Variants in TTC28 observed in about 807,000 individuals in gnomAD.
TTC28 encodes tetratricopeptide repeat domain 28, also known as tetratricopeptide repeat protein 28.
TTC28 carries 61 observed loss-of-function variants against 198.0 expected under a neutral mutation model. The ratio of observed to expected loss-of-function variants is 0.31; its 90% confidence interval spans 0.25 to 0.38. The LOEUF is 0.38. TTC28 is among the 10% of genes least tolerant of loss of function. The pLI, the probability that TTC28 is intolerant of heterozygous loss-of-function variation, is 1.00. For missense variants in TTC28, 2,678 were observed against 3,164.0 expected (o/e 0.85, Z 3.69); for synonymous variants, 1,171 against 1,297.8 (o/e 0.90, Z 2.10).
At chr22:28,295,682 T>C (rs915663282) in intron 5 of TTC28, among the ~76,000 whole-genome samples, 1 of 152,186 alleles carries the variant, frequency 6.6e-6, no homozygotes, top group Admixed American at 6.5e-5. Flanking sequence ...TACTGAATAT[T>C]AACTCTTTGA....
At chr22:28,373,662 A>G (rs1388200123) in intron 2 of TTC28, among the ~76,000 whole-genome samples, 1 of 152,164 alleles carries the variant, frequency 6.6e-6, no homozygotes, top group Non-Finnish European at 1.5e-5. Context: ...TAGCTAAGAA[A>G]ATATATAAGA....
intron 12 of TTC28, among the ~76,000 whole-genome samples, chr22:28,089,811 G>A (rs1274758847): frequency 6.6e-6 from 1 of 151,450 alleles, no homozygotes; most frequent in Non-Finnish European, 1.5e-5. Context: ...CCTGTCCTTT[G>A]TAGGGACATG....
chr22:28,318,162 G>A (rs746917194), intron 2 of TTC28, among the ~76,000 whole-genome samples: 5 of 150,642 alleles, frequency 3.3e-5, no homozygotes, highest in Admixed American at 6.6e-5. Flanking sequence ...CTCCTGCCTC[G>A]GCCTCCCACA....
intron 5 of TTC28, among the ~76,000 whole-genome samples, chr22:28,196,463 C>T (rs1362705630): frequency 6.6e-6 from 1 of 152,146 alleles, no homozygotes. Flanking sequence ...TAAAGAGCTT[C>T]TGCACAGCAA....
intron 2 of TTC28, among the ~76,000 whole-genome samples, chr22:28,531,813 G>A (rs903476391): frequency 6.6e-6 from 1 of 152,074 alleles, no homozygotes; most frequent in Non-Finnish European, 1.5e-5. Flanking sequence ...ATGACTACTG[G>A]GTACATAACG....
chr22:28,104,566 G>A (rs202122981), intron 8 of TTC28, among the ~76,000 whole-genome samples: 109 of 152,286 alleles, frequency 7.2e-4, no homozygotes, highest in African/African-American at 2.5e-3. Context: ...TCATCTCAAT[G>A]TAAAGAGGTG....
intron 12 of TTC28, among the ~76,000 whole-genome samples, chr22:28,085,047 A>G (rs1360903144): frequency 1.3e-5 from 2 of 152,160 alleles, no homozygotes; most frequent in African/African-American, 4.8e-5. Context: ...GGTGTACCTG[A>G]AAGTCATGGG....
rs537072058 is a variant in TTC28 at position 28,336,770 on chromosome 22, T to A, written c.382-30127A>T. Among the ~76,000 whole-genome samples, 9 of 152,314 alleles carry A rather than the reference T, an allele frequency of 5.9e-5. 1 individual carries two copies. In the South Asian group the frequency reaches 1.9e-3, roughly 32 times the overall value. On this transcript the variant is annotated intron_variant, in intron 2 of 22. Coordinates refer to ENST00000397906, the MANE Select transcript of TTC28 (RefSeq NM_001145418.2). ...TCTTGCTAGCAGTCTATCAATTTTG[T>A]TGATCTTTTCAAAAAACCAGCTCCT... is the stretch of plus-strand genomic sequence containing the variant.
chr22:28,386,174 CTGAGGCAGGAGAATGGCGTGAACCCGGGA>C lies in TTC28; in HGVS notation c.382-79560_382-79532del, dbSNP rs2046582509. 5.6e-5 allele frequency among the ~76,000 whole-genome samples: 8 copies of C among 143,132 alleles called. No homozygotes were observed. The South Asian group carries it at 1.8e-3, about 33-fold the overall frequency. 93.9% of individuals were successfully genotyped at this position (143,132 alleles called of 152,430 possible). On this transcript the variant is annotated intron_variant, in intron 2 of 22. Coordinates refer to ENST00000397906, the MANE Select transcript of TTC28 (RefSeq NM_001145418.2). ...CCTGTAGTCCTAGCTACTTGGGAGG[CTGAGGCAGGAGAATGGCGTGAACCCGGGA>C]GGCGGAGCTTGCAGTGAGCCGAGAT... is the stretch of plus-strand genomic sequence containing the variant.
intron 1 of TTC28, among the ~76,000 whole-genome samples, chr22:28,674,242 CT>C (rs1255451407): frequency 3.9e-5 from 4 of 102,822 alleles, no homozygotes; most frequent in African/African-American, 1.1e-4. Context: ...CTTGGGGTTT[CT>C]GTTTGTGGTT....
At chr22:28,529,689 C>T (rs1338479151) in intron 2 of TTC28, among the ~76,000 whole-genome samples, 5 of 152,174 alleles carry the variant, frequency 3.3e-5, no homozygotes, top group Non-Finnish European at 5.9e-5. Context: ...CAGCCAGGTG[C>T]CCCTACGAGA....
intron 2 of TTC28, among the ~76,000 whole-genome samples, chr22:28,513,514 G>A (rs779148674): frequency 6.6e-6 from 1 of 152,182 alleles, no homozygotes; most frequent in Non-Finnish European, 1.5e-5. Context: ...TGAGGCAGGA[G>A]AAGCACTTGA....
intron 2 of TTC28, among the ~76,000 whole-genome samples, chr22:28,444,588 T>C (rs1318303459): frequency 6.6e-6 from 1 of 152,144 alleles, no homozygotes; most frequent in Non-Finnish European, 1.5e-5. Flanking sequence ...ATTCATTATC[T>C]CACAGCCCTG....
In TTC28 at chr22:28,428,908, G is replaced by T. The variant is rs549105498; in HGVS notation, c.382-122265C>A. ...GCCCGCCTCGGCCTCCCAAAGTGCT[G>T]GGATTACAGGCATGAGCCACCGCGC... On this transcript the variant is annotated intron_variant, in intron 2 of 22. Coordinates refer to ENST00000397906, the MANE Select transcript of TTC28 (RefSeq NM_001145418.2). Among the ~76,000 whole-genome samples, 158 of 152,166 alleles carry T rather than the reference G, an allele frequency of 1.0e-3. 2 individuals carry two copies. Among genetic ancestry groups the T allele is most frequent in the South Asian group, 1.0e-3 (5 of 4,818 alleles).
intron 2 of TTC28, among the ~76,000 whole-genome samples, chr22:28,349,994 C>T (rs1014116357): frequency 6.6e-6 from 1 of 152,152 alleles, no homozygotes; most frequent in African/African-American, 2.4e-5. Context: ...ACAAAACTCG[C>T]ACAATTGTCC....
chr22:28,106,083 A>G (rs1416261057), intron 7 of TTC28, among the ~76,000 whole-genome samples: 1 of 152,226 alleles, frequency 6.6e-6, no homozygotes, highest in African/African-American at 2.4e-5. Flanking sequence ...AATAGGCACA[A>G]TGATAGCAAG....
rs118084384 is a variant in TTC28, at chr22:28,572,726, G to A, written c.381+56826C>T. ...TTAGGGGAGTGAGATGTGTGGGGAA[G>A]AACAGAGCATCTAAGGAATTGGCAA... On this transcript the variant is annotated intron_variant, in intron 2 of 22. Coordinates refer to ENST00000397906, the MANE Select transcript of TTC28 (RefSeq NM_001145418.2). Among the ~76,000 whole-genome samples, 56 of 152,306 alleles carry A rather than the reference G, an allele frequency of 3.7e-4. 1 individual carries two copies. The East Asian group carries it at 0.011, about 29-fold the overall frequency.
intron 2 of TTC28, among the ~76,000 whole-genome samples, chr22:28,465,871 G>A (rs1357734385): frequency 1.3e-5 from 2 of 152,130 alleles, no homozygotes; most frequent in Non-Finnish European, 2.9e-5. Flanking sequence ...AGCTGCTTAA[G>A]TACCAGCTGT....
chr22:28,629,498 A>G lies in TTC28; in HGVS notation c.381+54T>C, dbSNP rs113862164. 12,232 of 1,452,140 alleles carry G rather than the reference A, an allele frequency of 8.4e-3. 173 individuals are homozygous for G. The highest frequency in any genetic ancestry group is 0.059 in the East Asian group (2,364 of 40,334). The allele number at this position is 1,452,140 out of a possible 1,614,324, so 90.0% of individuals were successfully genotyped here. On this transcript the variant is annotated intron_variant, in intron 2 of 22. Coordinates refer to ENST00000397906, the MANE Select transcript of TTC28 (RefSeq NM_001145418.2). Reference sequence around the variant, plus strand: ...CAACAAAATATTACATTAAAGTAAGAAGCCAGGACAAAAGATTCTATGAAA... The same window carrying G: ...CAACAAAATATTACATTAAAGTAAGGAGCCAGGACAAAAGATTCTATGAAA...
Sources: allele counts gnomAD v4.1 joint callset (sites outside exome capture counted in the v4.1 genomes callset), GRCh38; gene constraint gnomAD v4.1.1; transcripts MANE v1.5; gene names NCBI Gene and HGNC (gene_info 2026-07-23, HGNC 2026-07-21).